PLVAP: variants seen among roughly 807,000 people sequenced by gnomAD.
PLVAP encodes the protein plasmalemma vesicle-associated protein.
In PLVAP, 34 loss-of-function variants were observed where a neutral mutation model predicts 43.1. That is an observed-to-expected ratio of 0.79 (90% CI 0.60 to 1.05). The LOEUF is 1.05. Ranked by LOEUF, PLVAP falls within the 50% of genes least tolerant of loss-of-function variation. The probability of loss-of-function intolerance (pLI) is 0.00; values close to 1 mark genes in which losing one functional copy is unlikely to be tolerated. For missense variants in PLVAP, 574 were observed against 593.4 expected, an observed-to-expected ratio of 0.97 and a Z score of 0.34; for synonymous variants, 241 against 237.3, an observed-to-expected ratio of 1.02 and a Z score of -0.14.
At chr19:17,367,569 A>G (rs1490702587) in intron 1 of PLVAP, among the ~76,000 whole-genome samples, 2 of 151,770 alleles carry the variant, frequency 1.3e-5, no homozygotes, top group Non-Finnish European at 2.9e-5. Context: ...TTGCATTTTT[A>G]GTAGAGATGG....
In PLVAP at chr19:17,377,270, G is replaced by C. The variant is rs766857119; in HGVS notation, c.19C>G (p.His7Asp). 1 of 1,612,450 alleles carries C rather than the reference G, an allele frequency of 6.2e-7. No individual in the cohort carries two copies. Among genetic ancestry groups the C allele is most frequent in the Admixed American group, 1.7e-5 (1 of 59,940 alleles). MGLAME[H>D]GGSYARAGGS... ...CCCGCCCGAGCGTAGGACCCTCCGT[G>C]CTCCATGGCCAGACCCATTTGCTCG... The change falls in exon 1 of 6, where the codon CAC (histidine) becomes GAC (aspartate). Residue 7 changes from histidine to aspartate, a missense_variant. By Grantham distance (81) the His-to-Asp change is moderately conservative (BLOSUM62 -1). Transcript: ENST00000252590.
intron 1 of PLVAP, among the ~76,000 whole-genome samples, chr19:17,369,641 A>G (rs2074564053): frequency 6.7e-6 from 1 of 150,024 alleles, no homozygotes; most frequent in East Asian, 1.9e-4. Context: ...TGTCCAAAAA[A>G]AAAAAAAAGA....
intron 5 of PLVAP, among the ~76,000 whole-genome samples, chr19:17,353,289 G>T (rs535225015): frequency 1.5e-4 from 23 of 152,190 alleles, no homozygotes; most frequent in East Asian, 1.9e-4. Flanking sequence ...AGCCTGCAAG[G>T]CTCCATCTTT....
In PLVAP at chr19:17,377,024, T is replaced by C; in HGVS notation, c.265A>G (p.Asn89Asp). ...GCATCCTTGGCGCGGGTGGTGAAGT[T>C]GAGCTCCTTGGTCAAGTTGGACTGG... ...ASQSNLTKELNFTTRAKDAIM... is the reference protein window; with the variant it reads ...ASQSNLTKELDFTTRAKDAIM... The change falls in exon 1 of 6, where the codon AAC becomes GAC. Residue 89 changes from asparagine (N) to aspartate (D), a missense_variant. Physicochemically the swap from Asn to Asp is conservative, Grantham distance 23. Transcript: ENST00000252590. 6.2e-7 allele frequency: 1 copy of C among 1,614,016 alleles called. No individual in the cohort carries two copies. The highest frequency in any genetic ancestry group is 8.5e-7 in the Non-Finnish European group (1 of 1,179,972).
chr19:17,356,820 G>A (rs574086565), intron 5 of PLVAP, among the ~76,000 whole-genome samples: 1 of 151,804 alleles, frequency 6.6e-6, no homozygotes, highest in African/African-American at 2.4e-5. Context: ...TTAGCCGGGC[G>A]TGATGGCGCA....
chr19:17,370,102 A>T (rs1304721690), intron 1 of PLVAP, among the ~76,000 whole-genome samples: 1 of 152,036 alleles, frequency 6.6e-6, no homozygotes, highest in African/African-American at 2.4e-5. Context: ...CACACCCACG[A>T]GGGTGGCTAT....
chr19:17,376,574 T>G (rs10421609), intron 1 of PLVAP, among the ~76,000 whole-genome samples: 36,428 of 151,550 alleles, frequency 0.24, 5,811 homozygotes, highest in African/African-American at 0.45. Context: ...AAGGCAGGCG[T>G]ATCACTTGAG....
intron 3 of PLVAP, 86 bp downstream of exon 3, chr19:17,365,200 G>C (rs200123220): frequency 3.8e-6 from 5 of 1,299,094 alleles, no homozygotes; most frequent in Non-Finnish European, 5.3e-6. Context: ...CATCCTCAAA[G>C]CCAACTCCAA....
intron 1 of PLVAP, among the ~76,000 whole-genome samples, chr19:17,374,541 C>T (rs1226448816): frequency 6.6e-6 from 1 of 152,128 alleles, no homozygotes. Flanking sequence ...AATTCAACAC[C>T]CAGCATACAG....
At chr19:17,366,249 G>A (rs1288310943) in intron 1 of PLVAP, 54 bp from the exon 2 acceptor site, 1 of 1,566,784 alleles carries the variant, frequency 6.4e-7, no homozygotes, top group Non-Finnish European at 8.8e-7. Context: ...CTTGCCCCCA[G>A]GACTGCCTGG....
At position 17,360,913 on chromosome 19, in the gene PLVAP, T is replaced by C. The variant is rs1002475691; in HGVS notation, c.1180-81A>G. 24 of 1,229,994 alleles carry C rather than the reference T, an allele frequency of 2.0e-5. No homozygotes were observed. The South Asian group carries it at 2.2e-4, about 11-fold the overall frequency. 76.2% of individuals were successfully genotyped at this position (1,229,994 alleles called of 1,614,324 possible). ...TCTGCCTTTTCTTTTCTTTTCTTTT[T>C]CTTTTTTTTTTTTTTTTTGAGACGG... On this transcript the variant is annotated intron_variant, in intron 3 of 5. Transcript: ENST00000252590.
chr19:17,376,965 G>T lies in PLVAP; in HGVS notation c.324C>A (p.Asp108Glu). 6.2e-7 allele frequency: 1 copy of T among 1,614,136 alleles called. No homozygotes were observed. Among genetic ancestry groups the T allele is most frequent in the Non-Finnish European group, 8.5e-7 (1 of 1,180,030 alleles). ...GGAAGCTGGCATTGATGCGGTCCAG[G>T]TCGCGGCGAGCATTCAGCCACATCT... ...IMQMWLNARR[D>E]LDRINASFRQ... Residue 108 changes from aspartate (D) to glutamate (E), a missense_variant, in exon 1 of 6, where the codon GAC becomes GAA. By Grantham distance (45) the Asp-to-Glu change is conservative. Transcript: ENST00000252590.
intron 3 of PLVAP, 74 bp from the exon 4 acceptor site, chr19:17,360,906 T>G (rs2074525744): frequency 1.8e-5 from 24 of 1,329,206 alleles, no homozygotes. Context: ...TTCTTTTCTT[T>G]TCTTTTTCTT....
intron 1 of PLVAP, among the ~76,000 whole-genome samples, chr19:17,372,702 C>A (rs1472864949): frequency 6.6e-6 from 1 of 150,804 alleles, no homozygotes; most frequent in Non-Finnish European, 1.5e-5. Flanking sequence ...GTGATCCACC[C>A]ACCTCGGCCT....
rs1432631071 is a variant in PLVAP, at chr19:17,356,763, C to G, written c.1322+3765G>C. 2.0e-5 allele frequency among the ~76,000 whole-genome samples: 3 copies of G among 151,790 alleles called. No individual in the cohort carries two copies. The South Asian group carries it at 6.2e-4, about 32-fold the overall frequency. On this transcript the variant is annotated intron_variant, in intron 5 of 5. Transcript: ENST00000252590. ...TCACCTGAGGTCGGGAGTTCGAGAC[C>G]AGCCTGACCAACATGGTGAAACCCC... is the stretch of plus-strand genomic sequence containing the variant.
intron 3 of PLVAP, among the ~76,000 whole-genome samples, chr19:17,363,003 C>A (rs1242379079): frequency 6.6e-6 from 1 of 152,178 alleles, no homozygotes; most frequent in African/African-American, 2.4e-5. Context: ...CCCCAATCCT[C>A]ATCCCAGCCG....
chr19:17,366,272 C>T, intron 1 of PLVAP, 77 bp from the exon 2 acceptor site: 1 of 1,429,270 alleles, frequency 7.0e-7, no homozygotes, highest in Non-Finnish European at 9.8e-7. Context: ...CCAGATCGAG[C>T]ACCCTGGTGG....
chr19:17,370,256 A>T (rs940927807), intron 1 of PLVAP, among the ~76,000 whole-genome samples: 1 of 152,144 alleles, frequency 6.6e-6, no homozygotes, highest in African/African-American at 2.4e-5. Context: ...AAAATGTTAA[A>T]CATAGTTACC....
rs1458915577 is a variant in PLVAP, at chr19:17,360,885, G to A, written c.1180-53C>T. 4.1e-6 allele frequency: 6 copies of A among 1,453,764 alleles called. No individual in the cohort carries two copies. The South Asian group carries it at 6.1e-5, about 15-fold the overall frequency. 90.1% of individuals were successfully genotyped at this position (1,453,764 alleles called of 1,614,324 possible). ...GTAGGAGCCAGGGCTTCCCAGACAG[G>A]CTTCTGCCTTTTCTTTTCTTTTCTT... On this transcript the variant is annotated intron_variant, in intron 3 of 5. Transcript: ENST00000252590.
Sources: allele counts gnomAD v4.1 joint callset (sites outside exome capture counted in the v4.1 genomes callset), GRCh38; gene constraint gnomAD v4.1.1; transcripts MANE v1.5; gene names NCBI Gene and HGNC (gene_info 2026-07-23, HGNC 2026-07-21).